The following GLIS1 variants were observed in gnomAD, a reference collection of about 807,000 sequenced individuals.
GLIS1 encodes zinc finger protein GLIS1.
Under a neutral mutation model 63.8 loss-of-function variants are expected in GLIS1, and 24 were observed. The observed-to-expected ratio is 0.38, with a 90% CI of 0.27 to 0.53. The LOEUF (loss-of-function observed/expected upper bound fraction) is 0.53, where lower values mean the gene tolerates loss of function less well. GLIS1 is among the 20% of genes least tolerant of loss of function. The pLI is 0.85. For synonymous variants in GLIS1, 450 were observed against 482.5 expected (o/e 0.93, Z 0.88); for missense variants, 1,036 against 1,074.1 (o/e 0.96, Z 0.50).
chr1:53,728,505 A>G (rs1646827286), intron 2 of GLIS1, among the ~76,000 whole-genome samples: 2 of 152,122 alleles, frequency 1.3e-5, no homozygotes, highest in Admixed American at 1.3e-4. Context: ...CTAACTTGCC[A>G]AGGTCCCCAA....
intron 2 of GLIS1, among the ~76,000 whole-genome samples, chr1:53,626,502 GA>G (rs1211743421): frequency 6.6e-6 from 1 of 152,210 alleles, no homozygotes; most frequent in African/African-American, 2.4e-5. Context: ...CCTGACCTGA[GA>G]AGTCTCACAA....
chr1:53,712,488 T>C (rs1220349780), intron 2 of GLIS1, among the ~76,000 whole-genome samples: 3 of 152,202 alleles, frequency 2.0e-5, no homozygotes, highest in Non-Finnish European at 4.4e-5. Context: ...AGGTGATTCA[T>C]AAAGGCCCTG....
At chr1:53,620,940 G>C (rs1159906484) in intron 2 of GLIS1, among the ~76,000 whole-genome samples, 1 of 152,206 alleles carries the variant, frequency 6.6e-6, no homozygotes, top group African/African-American at 2.4e-5. Context: ...CATAGAAATG[G>C]TTTATCAAGA....
At chr1:53,688,541 C>T (rs1224360899) in intron 2 of GLIS1, among the ~76,000 whole-genome samples, 2 of 152,160 alleles carry the variant, frequency 1.3e-5, no homozygotes, top group Admixed American at 6.5e-5. Context: ...CCTGGTCTCC[C>T]GACTGGGAAC....
At chr1:53,668,005 T>A (rs1646112174) in intron 2 of GLIS1, among the ~76,000 whole-genome samples, 1 of 152,248 alleles carries the variant, frequency 6.6e-6, no homozygotes, top group Admixed American at 6.5e-5. Flanking sequence ...CTCTGGCCTC[T>A]ATGGCCTCAT....
At chr1:53,522,217 A>G (rs149107517) in intron 6 of GLIS1, among the ~76,000 whole-genome samples, 1 of 152,280 alleles carries the variant, frequency 6.6e-6, no homozygotes. Flanking sequence ...TTTTCTCTGA[A>G]ACGCGGCAGG....
chr1:53,564,111 CA>C (rs1644915204), intron 4 of GLIS1, among the ~76,000 whole-genome samples: 1 of 152,102 alleles, frequency 6.6e-6, no homozygotes, highest in Admixed American at 6.5e-5. Flanking sequence ...GAGCTAAACG[CA>C]CACTGTTTTA....
At chr1:53,734,029 C>G (rs1646889336) in intron 2 of GLIS1, 2 of 985,208 alleles carry the variant, frequency 2.0e-6, no homozygotes, top group Non-Finnish European at 2.4e-6. Context: ...CCACCGCCCC[C>G]ACTCCGAGTC....
At chr1:53,682,672 C>T (rs190331886) in intron 2 of GLIS1, among the ~76,000 whole-genome samples, 1 of 152,300 alleles carries the variant, frequency 6.6e-6, no homozygotes, top group Admixed American at 6.5e-5. Context: ...TAGGAGAGGC[C>T]CTTTCACCAT....
chr1:53,620,508 T>A (rs545929653), intron 2 of GLIS1, among the ~76,000 whole-genome samples: 1 of 152,246 alleles, frequency 6.6e-6, no homozygotes, highest in African/African-American at 2.4e-5. Flanking sequence ...GGCTTGGCCA[T>A]GAATGAGTAC....
intron 2 of GLIS1, among the ~76,000 whole-genome samples, chr1:53,632,949 G>A (rs1245023987): frequency 6.7e-6 from 1 of 149,712 alleles, no homozygotes; most frequent in Non-Finnish European, 1.5e-5. Flanking sequence ...ATGTGAATGT[G>A]ACTGAGGGGC....
chr1:53,517,155 A>G (rs1226633352), intron 7 of GLIS1, among the ~76,000 whole-genome samples: 1 of 147,748 alleles, frequency 6.8e-6, no homozygotes, highest in East Asian at 1.9e-4. Flanking sequence ...TCCAAGCAGC[A>G]GAGAGAGAAA....
intron 4 of GLIS1, among the ~76,000 whole-genome samples, chr1:53,546,183 C>G (rs1005267556): frequency 6.6e-6 from 1 of 152,200 alleles, no homozygotes; most frequent in Non-Finnish European, 1.5e-5. Context: ...GCCAGGGACG[C>G]CTGAGGAGGC....
intron 4 of GLIS1, among the ~76,000 whole-genome samples, chr1:53,580,542 A>T (rs1645074957): frequency 6.6e-6 from 1 of 152,174 alleles, no homozygotes; most frequent in Admixed American, 6.5e-5. Flanking sequence ...GGGTCCTCCA[A>T]GGTGAGCTCA....
At chr1:53,638,416 G>A (rs1645750054) in intron 2 of GLIS1, among the ~76,000 whole-genome samples, 1 of 152,098 alleles carries the variant, frequency 6.6e-6, no homozygotes, top group African/African-American at 2.4e-5. Flanking sequence ...GCCAGTTCAG[G>A]CCCCAGCTGA....
rs1645282531 is a variant in GLIS1 at position 53,598,503 on chromosome 1, C to T, written c.437+1598G>A. ...CGAGCCAACATTGTGCCACTGCACT[C>T]CAGCCTGGGTGACAGAGTCAGACCC... On this transcript the variant is annotated intron_variant, in intron 3 of 10. Transcript: ENST00000628545. This position sits in a 1 kb window ranked among gnomAD's most constrained non-coding sequence, Gnocchi z 4.6. Among the ~76,000 whole-genome samples, 3 of 151,992 alleles carry T rather than the reference C, an allele frequency of 2.0e-5. No individual in the cohort carries two copies. In the South Asian group the frequency reaches 6.2e-4, roughly 32 times the overall value.
chr1:53,691,807 A>G (rs1442006341), intron 2 of GLIS1, among the ~76,000 whole-genome samples: 2 of 151,344 alleles, frequency 1.3e-5, no homozygotes, highest in Non-Finnish European at 2.9e-5. Flanking sequence ...CCTCCCTCCT[A>G]CCCCCACTCC....
intron 2 of GLIS1, among the ~76,000 whole-genome samples, chr1:53,623,844 A>G (rs924909599): frequency 3.9e-5 from 6 of 152,250 alleles, no homozygotes; most frequent in Admixed American, 2.6e-4. Context: ...CTATTCATAT[A>G]TAAGACCTTT....
chr1:53,714,323 G>A (rs1414122170), intron 2 of GLIS1, among the ~76,000 whole-genome samples: 1 of 152,198 alleles, frequency 6.6e-6, no homozygotes, highest in Non-Finnish European at 1.5e-5. Flanking sequence ...TATAGCAGAG[G>A]GGTGCTCCAT....
Sources: gnomAD v4.1 joint callset for allele counts (sites outside exome capture counted in the v4.1 genomes callset) on GRCh38, gnomAD v4.1.1 for gene constraint, Gnocchi (gnomAD v3.1) non-coding constraint, MANE v1.5 for transcripts, NCBI Gene and HGNC (gene_info 2026-07-23, HGNC 2026-07-21) for gene names.